The following PSMD13 variants were observed in gnomAD, a reference collection of about 807,000 sequenced individuals.
The protein encoded by PSMD13 is proteasome 26S subunit, non-ATPase 13.
In PSMD13, 8 loss-of-function variants were observed where a neutral mutation model predicts 57.4. The ratio of observed to expected loss-of-function variants is 0.14; its 90% confidence interval spans 0.08 to 0.25. The LOEUF is 0.25. PSMD13 is among the 10% of genes least tolerant of loss of function. PSMD13 has a pLI of 1.00. For missense variants in PSMD13, 400 were observed against 461.5 expected (o/e 0.87, Z 1.22); for synonymous variants, 193 against 168.2 (o/e 1.15, Z -1.14).
chr11:243,936 C>T, intron 2 of PSMD13, 105 bp from the exon 3 acceptor site: 1 of 1,204,462 alleles, frequency 8.3e-7, no homozygotes, highest in East Asian at 2.5e-5. Context: ...ACACTCCCAA[C>T]TTGATAGCAT....
At position 252,650 on chromosome 11, in the gene PSMD13, T is replaced by C; in HGVS notation, c.*50T>C. 6.4e-7 allele frequency: 1 copy of C among 1,563,414 alleles called. No individual in the cohort carries two copies. Among genetic ancestry groups the C allele is most frequent in the African/African-American group, 1.4e-5 (1 of 73,718 alleles). On this transcript the variant is annotated 3_prime_UTR_variant, in exon 13 of 13. Transcript: ENST00000532097. The surrounding 1 kb of genome is among the most constrained non-coding windows in gnomAD (Gnocchi z 4.1). ...TCCTTTGACTCACCTGAGAGAGGCG[T>C]TTGCAGCCAATGAAGCTGGCTGCTC...
In PSMD13 at chr11:242,563, A is replaced by G. The variant is rs551736508; in HGVS notation, c.175-1478A>G. Among the ~76,000 whole-genome samples the G allele has an allele frequency of 9.6e-3, 1,083 of 112,356 alleles. 15 individuals carry two copies. Among genetic ancestry groups the G allele is most frequent in the African/African-American group, 0.049 (1,022 of 20,974 alleles). 73.7% of individuals were successfully genotyped at this position (112,356 alleles called of 152,430 possible). A position where few individuals can be genotyped will look rare whatever the true frequency, so the allele number is the denominator to read the frequency against. ...TCTTTCTTCCAAAAAAACTGCGTTGAATGTCAAAAAAAATCTTTTATACTC... is the reference window on the plus strand; with the variant it reads ...TCTTTCTTCCAAAAAAACTGCGTTGGATGTCAAAAAAAATCTTTTATACTC... On this transcript the variant is annotated intron_variant, in intron 2 of 12. Coordinates refer to ENST00000532097, the MANE Select transcript of PSMD13 (RefSeq NM_002817.4).
chr11:243,635 C>G (rs1385176809), intron 2 of PSMD13, among the ~76,000 whole-genome samples: 1 of 152,188 alleles, frequency 6.6e-6, no homozygotes, highest in African/African-American at 2.4e-5. Context: ...CACGGCAGCG[C>G]AGGCCATCTT....
intron 1 of PSMD13, 122 bp downstream of exon 1, chr11:237,266 G>A (rs187366708): frequency 4.4e-6 from 4 of 903,744 alleles, no homozygotes; most frequent in Non-Finnish European, 6.6e-6. Flanking sequence ...GGGGAAACGG[G>A]GACGTGTAGC....
chr11:245,124 G>A (rs1362129722), intron 6 of PSMD13, among the ~76,000 whole-genome samples: 1 of 151,984 alleles, frequency 6.6e-6, no homozygotes, highest in South Asian at 2.1e-4. Context: ...TGTATTTTTA[G>A]TAGAGACAGG....
In PSMD13 at chr11:251,487, T is replaced by C; in HGVS notation, c.838-59T>C. 4 of 1,400,490 alleles carry C rather than the reference T, an allele frequency of 2.9e-6. No individual in the cohort carries two copies. Among genetic ancestry groups the C allele is most frequent in the Non-Finnish European group, 3.0e-6 (3 of 1,006,288 alleles). The allele number at this position is 1,400,490 out of a possible 1,614,324, so 86.8% of individuals were successfully genotyped here. Reference sequence around the variant, plus strand: ...AGCCAATATTGACAAAACATCCTTATCAGTTCTCTATTTTTATTTGGAAAA... The same window carrying C: ...AGCCAATATTGACAAAACATCCTTACCAGTTCTCTATTTTTATTTGGAAAA... On this transcript the variant is annotated intron_variant, in intron 10 of 12. Coordinates refer to ENST00000532097, the MANE Select transcript of PSMD13 (RefSeq NM_002817.4). The surrounding 1 kb of genome is among the most constrained non-coding windows in gnomAD (Gnocchi z 4.6).
chr11:248,649 G>A, intron 7 of PSMD13, 127 bp from the exon 8 acceptor site: 3 of 911,796 alleles, frequency 3.3e-6, no homozygotes, highest in Non-Finnish European at 1.7e-6. Flanking sequence ...GGTGACTAAT[G>A]TCAAGGCTTT....
intron 6 of PSMD13, among the ~76,000 whole-genome samples, chr11:245,705 T>TGTGTTTGCGTGTGTGTTC (rs1859631493): frequency 2.5e-5 from 1 of 39,280 alleles, no homozygotes; most frequent in Admixed American, 3.1e-4. Context: ...CGTGTGTTTG[T>TGTGTTTGCGTGTGTGTTC]GTGTGTTTGT....
intron 7 of PSMD13, 116 bp from the exon 8 acceptor site, chr11:248,660 G>C: frequency 1.0e-6 from 1 of 1,004,668 alleles, no homozygotes; most frequent in Non-Finnish European, 1.5e-6. Context: ...TCAAGGCTTT[G>C]TAATAACAAC....
Position 252,542 on chromosome 11 carries a change from C to T in PSMD13, c.1073C>T (p.Thr358Met), listed in dbSNP as rs1336790674. 16 of 1,614,058 alleles carry T rather than the reference C, an allele frequency of 9.9e-6. No homozygotes were observed. Among genetic ancestry groups the T allele is most frequent in the East Asian group, 6.7e-5 (3 of 44,884 alleles). The change falls in exon 13 of 13, where the codon ACG becomes ATG. Residue 358 changes from threonine to methionine, a missense_variant. Thr to Met is a moderately conservative substitution (Grantham distance 81). Coordinates refer to ENST00000532097, the MANE Select transcript of PSMD13 (RefSeq NM_002817.4). The surrounding 1 kb of genome is among the most constrained non-coding windows in gnomAD (Gnocchi z 4.1). ...GMKDRLEFWC[T>M]DVKSMEMLVE... Reference sequence around the variant, plus strand: ...AAGGACCGCCTGGAGTTCTGGTGCACGGATGTGAAGAGCATGGAGATGCTG... The same window carrying T: ...AAGGACCGCCTGGAGTTCTGGTGCATGGATGTGAAGAGCATGGAGATGCTG...
rs1435568564 is a variant in PSMD13, at chr11:247,217, TA to T, written c.397-53del. The T allele has an allele frequency of 6.0e-6, 9 of 1,510,996 alleles. No individual in the cohort carries two copies. The East Asian group carries it at 1.2e-4, about 20-fold the overall frequency. The allele number at this position is 1,510,996 out of a possible 1,614,324, so 93.6% of individuals were successfully genotyped here. On this transcript the variant is annotated intron_variant, in intron 6 of 12. Transcript: ENST00000532097. Reference sequence around the variant, plus strand: ...AGGCAACAGAGTGAGACCCTGTCTCTAAAAAAATAAAATAAACTTTTAACTT... The same window carrying T: ...AGGCAACAGAGTGAGACCCTGTCTCTAAAAAATAAAATAAACTTTTAACTT...
chr11:252,704 G>A lies in PSMD13; in HGVS notation c.*104G>A. ...CGGTCGACATTGAATTTGGGTGGGG[G>A]TTGGGATCCTGTCTGAAGTACAGAC... On this transcript the variant is annotated 3_prime_UTR_variant, in exon 13 of 13. Coordinates refer to ENST00000532097, the MANE Select transcript of PSMD13 (RefSeq NM_002817.4). The surrounding 1 kb of genome is among the most constrained non-coding windows in gnomAD (Gnocchi z 4.1). 1 of 1,070,276 alleles carries A rather than the reference G, an allele frequency of 9.3e-7. No individual in the cohort carries two copies. The highest frequency in any genetic ancestry group is 2.4e-5 in the East Asian group (1 of 40,838). 66.3% of individuals were successfully genotyped at this position (1,070,276 alleles called of 1,614,324 possible). A position where few individuals can be genotyped will look rare whatever the true frequency, so the allele number is the denominator to read the frequency against.
At chr11:237,232 TGAGGGCGCCCA>T in intron 1 of PSMD13, 88 bp downstream of exon 1, 2 of 1,302,864 alleles carry the variant, frequency 1.5e-6, no homozygotes, top group Non-Finnish European at 2.1e-6. Flanking sequence ...CTTGATGGGC[TGAGGGCGCCCA>T]GACCCAAGTT....
intron 9 of PSMD13, among the ~76,000 whole-genome samples, chr11:249,548 G>C (rs1420607272): frequency 6.4e-5 from 8 of 124,726 alleles, no homozygotes; most frequent in African/African-American, 2.5e-4. Context: ...GGTGCAGGGA[G>C]GGGGAGAGCG....
At chr11:242,174 G>C (rs1310134593) in intron 2 of PSMD13, among the ~76,000 whole-genome samples, 1 of 146,804 alleles carries the variant, frequency 6.8e-6, no homozygotes, top group Non-Finnish European at 1.5e-5. Context: ...TCACTGTATT[G>C]TCATTTATTT....
rs1213419373 is a variant in PSMD13, at chr11:250,876, A to G, written c.837+11A>G. 3.1e-6 allele frequency: 5 copies of G among 1,612,912 alleles called. No individual in the cohort carries two copies. In the African/African-American group the frequency reaches 5.3e-5, roughly 17 times the overall value. On this transcript the variant is annotated intron_variant, in intron 10 of 12. Transcript: ENST00000532097. ...TTGTGCCTCATGGAGGTAAGCGAAC[A>G]CCCAGGAGCCACTTTGTCTGTGGTT...
intron 4 of PSMD13, 34 bp downstream of exon 4, chr11:244,250 C>T (rs766241792): frequency 6.3e-7 from 1 of 1,599,266 alleles, no homozygotes; most frequent in Admixed American, 1.8e-5. Context: ...AGGAGCAGAT[C>T]CAAATGGTGG....
chr11:247,563 G>A (rs1859678058), intron 7 of PSMD13, 115 bp downstream of exon 7: 1 of 1,200,596 alleles, frequency 8.3e-7, no homozygotes, highest in African/African-American at 1.5e-5. Context: ...TGGGCACGGT[G>A]GCTCACGCCT....
Position 252,261 on chromosome 11 carries a change from C to T in PSMD13, c.1036-244C>T, listed in dbSNP as rs900543539. The T allele has an allele frequency of 5.7e-6, 3 of 522,124 alleles. No homozygotes were observed. The highest frequency in any genetic ancestry group is 6.4e-5 in the Admixed American group (2 of 31,062). The allele number at this position is 522,124 out of a possible 1,614,324, so 32.3% of individuals were successfully genotyped here. ...GTCGCTCTTACATTTGCTGGAAATGCGATCCTGTGGATTTCCTCTGTCCTT... is the reference window on the plus strand; with the variant it reads ...GTCGCTCTTACATTTGCTGGAAATGTGATCCTGTGGATTTCCTCTGTCCTT... On this transcript the variant is annotated intron_variant, in intron 12 of 12. Transcript: ENST00000532097. This position sits in a 1 kb window ranked among gnomAD's most constrained non-coding sequence, Gnocchi z 4.1.
Sources: gnomAD v4.1 joint callset for allele counts (sites outside exome capture counted in the v4.1 genomes callset) on GRCh38, gnomAD v4.1.1 for gene constraint, Gnocchi (gnomAD v3.1) non-coding constraint, MANE v1.5 for transcripts, NCBI Gene and HGNC (gene_info 2026-07-23, HGNC 2026-07-21) for gene names.